KIF6: variants seen among roughly 807,000 people sequenced by gnomAD.
KIF6 encodes the protein kinesin family member 6, also known as kinesin-like protein KIF6.
A neutral mutation model predicts 112.7 loss-of-function variants in KIF6; 106 were observed. The ratio of observed to expected loss-of-function variants is 0.94; its 90% CI spans 0.80 to 1.11. KIF6 has a LOEUF of 1.11. KIF6 is among the 50% of genes least tolerant of loss of function. The pLI is 0.00. For synonymous variants in KIF6, 339 were observed against 339.9 expected (o/e 1.00, Z 0.03); for missense variants, 929 against 964.0 (o/e 0.96, Z 0.48).
Position 39,385,713 on chromosome 6 carries a change from T to C in KIF6, c.1811-41A>G, listed in dbSNP as rs368955594. Reference sequence around the variant, plus strand: ...AAGAAAACTACCAGTGGGTTTCCAATGGGCTGGAGGAAGACTGCCTCAGAA... The same window carrying C: ...AAGAAAACTACCAGTGGGTTTCCAACGGGCTGGAGGAAGACTGCCTCAGAA... On this transcript the variant is annotated intron_variant, in intron 15 of 22. Transcript: ENST00000287152. 7.3e-6 allele frequency: 10 copies of C among 1,375,606 alleles called. No homozygotes were observed. The African/African-American group carries it at 1.4e-4, about 19-fold the overall frequency. 85.2% of individuals were successfully genotyped at this position (1,375,606 alleles called of 1,614,324 possible). A position where few individuals can be genotyped will look rare whatever the true frequency, so the allele number is the denominator to read the frequency against.
chr6:39,479,746 ATTTG>A (rs1730869279), intron 13 of KIF6, among the ~76,000 whole-genome samples: 1 of 151,972 alleles, frequency 6.6e-6, no homozygotes, highest in African/African-American at 2.4e-5. Flanking sequence ...ATGTGTTTCC[ATTTG>A]TTTGTGTCAT....
intron 3 of KIF6, among the ~76,000 whole-genome samples, chr6:39,660,656 T>C (rs1462552866): frequency 6.6e-6 from 1 of 152,154 alleles, no homozygotes; most frequent in Non-Finnish European, 1.5e-5. Flanking sequence ...ATTCAATTTA[T>C]TCGATTCAGT....
At chr6:39,346,251 G>A in intron 20 of KIF6, 1 of 667,264 alleles carries the variant, frequency 1.5e-6, no homozygotes, top group South Asian at 1.6e-5. Context: ...CTGTGCTACG[G>A]ACTGGAGGTT....
At chr6:39,350,234 T>C (rs1764130643) in intron 19 of KIF6, among the ~76,000 whole-genome samples, 1 of 151,944 alleles carries the variant, frequency 6.6e-6, no homozygotes, top group Non-Finnish European at 1.5e-5. Flanking sequence ...GGGAAGCACA[T>C]AAAGAAAGCG....
chr6:39,509,323 C>T (rs888749078), intron 13 of KIF6, among the ~76,000 whole-genome samples: 8 of 152,208 alleles, frequency 5.3e-5, no homozygotes, highest in African/African-American at 1.7e-4. Context: ...CATGTCTTCT[C>T]CTCCAAAGGA....
chr6:39,433,184 A>G (rs989368792), intron 13 of KIF6, among the ~76,000 whole-genome samples: 1 of 152,370 alleles, frequency 6.6e-6, no homozygotes, highest in African/African-American at 2.4e-5. Context: ...AACCATTGGG[A>G]CTAACTATAT....
At chr6:39,515,505 CTT>C (rs1413869734) in intron 13 of KIF6, among the ~76,000 whole-genome samples, 2 of 152,206 alleles carry the variant, frequency 1.3e-5, no homozygotes, top group African/African-American at 4.8e-5. Flanking sequence ...GACCACAACT[CTT>C]TTCCATTTCT....
intron 10 of KIF6, among the ~76,000 whole-genome samples, chr6:39,572,312 T>C (rs1780685481): frequency 6.6e-6 from 1 of 152,222 alleles, no homozygotes; most frequent in African/African-American, 2.4e-5. Flanking sequence ...TTTGTGTGTA[T>C]ATATGTGTCT....
rs1415359454 is a variant in KIF6, at chr6:39,507,680, CT to C, written c.1645+32322del. Among the ~76,000 whole-genome samples the C allele has an allele frequency of 1.4e-3, 200 of 140,222 alleles. 3 individuals carry two copies. In the East Asian group the frequency reaches 0.041, roughly 29 times the overall value. 92.0% of individuals were successfully genotyped at this position (140,222 alleles called of 152,430 possible). A position where few individuals can be genotyped will look rare whatever the true frequency, so the allele number is the denominator to read the frequency against. ...CCTTCCTTCCTTCCTTCCTTCCTTC[CT>C]TCCTTCCTACCTTCCTTCCTTCCTC... On this transcript the variant is annotated intron_variant, in intron 13 of 22. Transcript: ENST00000287152.
chr6:39,454,531 CAAAAAAAA>C (rs560119968), intron 13 of KIF6, among the ~76,000 whole-genome samples: 1 of 76,042 alleles, frequency 1.3e-5, no homozygotes, highest in Non-Finnish European at 3.0e-5. Flanking sequence ...CTGAGAGCAT[CAAAAAAAA>C]AAAAAAAAAA....
chr6:39,576,371 G>A (rs1000102039), intron 10 of KIF6, among the ~76,000 whole-genome samples: 2 of 152,114 alleles, frequency 1.3e-5, no homozygotes, highest in Non-Finnish European at 2.9e-5. Flanking sequence ...TGATCCACCC[G>A]CCTCAGCCTC....
chr6:39,385,477 G>A (rs1767335150), intron 16 of KIF6, 145 bp downstream of exon 16: 1 of 668,244 alleles, frequency 1.5e-6, no homozygotes, highest in East Asian at 2.7e-5. Context: ...GGCATCCAAG[G>A]AAAGCTGTGT....
At chr6:39,564,694 C>T (rs141924272) in intron 10 of KIF6, among the ~76,000 whole-genome samples, 1 of 152,250 alleles carries the variant, frequency 6.6e-6, no homozygotes, top group East Asian at 1.9e-4. Flanking sequence ...TGTGCTTTTG[C>T]TGTAAGTTGG....
intron 13 of KIF6, among the ~76,000 whole-genome samples, chr6:39,456,909 C>T (rs561482264): frequency 5.1e-4 from 78 of 151,754 alleles, no homozygotes; most frequent in African/African-American, 1.9e-3. Flanking sequence ...TAGAGTCCCA[C>T]ACATTAATAA....
chr6:39,560,980 C>T (rs899075900), intron 10 of KIF6, among the ~76,000 whole-genome samples: 3 of 152,202 alleles, frequency 2.0e-5, no homozygotes, highest in Non-Finnish European at 4.4e-5. Flanking sequence ...TGCATACACT[C>T]CTGAGATTAT....
chr6:39,443,389 C>T (rs1772078893), intron 13 of KIF6, among the ~76,000 whole-genome samples: 1 of 151,894 alleles, frequency 6.6e-6, no homozygotes, highest in Admixed American at 6.6e-5. Flanking sequence ...CTATCTATGC[C>T]TAAATTAGGA....
At chr6:39,602,467 C>A (rs1782631956) in intron 6 of KIF6, among the ~76,000 whole-genome samples, 1 of 152,158 alleles carries the variant, frequency 6.6e-6, no homozygotes, top group Non-Finnish European at 1.5e-5. Flanking sequence ...ACTTCAAGCT[C>A]CTTGAGGACA....
At chr6:39,644,434 G>C (rs150577837) in intron 3 of KIF6, among the ~76,000 whole-genome samples, 74 of 152,250 alleles carry the variant, frequency 4.9e-4, no homozygotes, top group African/African-American at 1.6e-3. Flanking sequence ...CAGCTGATGA[G>C]TGGATAAACA....
chr6:39,456,972 G>C (rs1022054280), intron 13 of KIF6, among the ~76,000 whole-genome samples: 1 of 147,314 alleles, frequency 6.8e-6, no homozygotes, highest in African/African-American at 2.6e-5. Context: ...GAGACAGAAA[G>C]TCAACAAGGA....
Sources: gnomAD v4.1 joint callset for allele counts (sites outside exome capture counted in the v4.1 genomes callset) on GRCh38, gnomAD v4.1.1 for gene constraint, MANE v1.5 for transcripts, NCBI Gene and HGNC (gene_info 2026-07-23, HGNC 2026-07-21) for gene names.